Variants in ABCD3 observed in about 807,000 individuals in gnomAD.
ABCD3 encodes ATP binding cassette subfamily D member 3.
Under a neutral mutation model 105.5 loss-of-function variants are expected in ABCD3, and 41 were observed. That is an observed-to-expected ratio of 0.39 (90% CI 0.30 to 0.50). ABCD3 has a LOEUF of 0.50. ABCD3 is among the 20% of genes least tolerant of loss of function. The pLI is 0.84. For synonymous variants in ABCD3, 258 were observed against 269.0 expected (o/e 0.96, Z 0.40); for missense variants, 622 against 806.3 (o/e 0.77, Z 2.77).
chr1:94,506,298 T>C (rs561768472), intron 20 of ABCD3, among the ~76,000 whole-genome samples: 1 of 152,182 alleles, frequency 6.6e-6, no homozygotes, highest in Non-Finnish European at 1.5e-5. Flanking sequence ...TTAAGGTTTG[T>C]GTTTTACTCT....
intron 16 of ABCD3, among the ~76,000 whole-genome samples, chr1:94,496,916 C>T (rs1009308057): frequency 1.3e-4 from 20 of 151,520 alleles, no homozygotes; most frequent in African/African-American, 2.9e-4. Context: ...TACAGGTGCC[C>T]GCCACTGCAT....
intron 1 of ABCD3, among the ~76,000 whole-genome samples, chr1:94,422,987 G>T (rs1659319485): frequency 1.3e-5 from 2 of 152,124 alleles, no homozygotes; most frequent in Admixed American, 1.3e-4. Context: ...CCTCAATCTG[G>T]TCTTACTTTA....
chr1:94,418,048 G>A (rs540447826), upstream of ABCD3, among the ~76,000 whole-genome samples: 1 of 152,184 alleles, frequency 6.6e-6, no homozygotes, highest in African/African-American at 2.4e-5. Flanking sequence ...CGGGAGTGGA[G>A]AGGCAGGGCC....
intron 1 of ABCD3, among the ~76,000 whole-genome samples, chr1:94,450,654 CTGTT>C (rs1557668043): frequency 6.6e-6 from 1 of 152,176 alleles, no homozygotes; most frequent in Non-Finnish European, 1.5e-5. Flanking sequence ...GGGTAAATCT[CTGTT>C]TGGGGCTCTC....
intron 21 of ABCD3, 190 bp from the exon 22 acceptor site, chr1:94,514,956 A>C (rs1325573187): frequency 1.8e-6 from 1 of 553,612 alleles, no homozygotes; most frequent in African/African-American, 1.9e-5. Context: ...GGTAGTTTTT[A>C]TTATGTGGTT....
chr1:94,409,640 T>C, the ABCD3 span, among the ~76,000 whole-genome samples: 1 of 152,212 alleles, frequency 6.6e-6, no homozygotes, highest in Admixed American at 6.5e-5. Flanking sequence ...AAAGACTCCA[T>C]TGGCTTTTCA....
At chr1:94,509,894 G>A (rs1160825859) in intron 21 of ABCD3, among the ~76,000 whole-genome samples, 2 of 151,588 alleles carry the variant, frequency 1.3e-5, no homozygotes, top group Admixed American at 6.6e-5. Flanking sequence ...TTCTTTATTA[G>A]TCTTGCTAGC....
intron 2 of ABCD3, among the ~76,000 whole-genome samples, chr1:94,464,018 CT>C (rs982034479): frequency 6.6e-6 from 1 of 152,150 alleles, no homozygotes; most frequent in South Asian, 2.1e-4. Context: ...AATCACATGG[CT>C]TTTTTTTATT....
intron 10 of ABCD3, among the ~76,000 whole-genome samples, chr1:94,485,748 A>G (rs1211545466): frequency 6.6e-6 from 1 of 152,224 alleles, no homozygotes; most frequent in African/African-American, 2.4e-5. Flanking sequence ...ATTCAACCAC[A>G]CAGATTGAAA....
chr1:94,512,870 G>T (rs973558634), intron 21 of ABCD3, among the ~76,000 whole-genome samples: 6 of 152,000 alleles, frequency 3.9e-5, no homozygotes, highest in Non-Finnish European at 7.4e-5. Flanking sequence ...CATTTTGTAT[G>T]TGTTCTTTGG....
At chr1:94,430,141 A>G (rs1299859045) in intron 1 of ABCD3, among the ~76,000 whole-genome samples, 1 of 152,246 alleles carries the variant, frequency 6.6e-6, no homozygotes, top group East Asian at 1.9e-4. Context: ...TGGGGCCTGC[A>G]GCCCCTTTGT....
At position 94,473,818 on chromosome 1, in the gene ABCD3, A is replaced by G. The variant is rs1648603216; in HGVS notation, c.388A>G (p.Ile130Val). Reference protein sequence around the residue: ...KDFKRYLLNFIAAMPLISLVN... With the variant: ...KDFKRYLLNFVAAMPLISLVN... The stretch of plus-strand genomic sequence containing the variant: ...TTTCAAGAGATACTTACTCAACTTC[A>G]TCGCTGCCATGCCTCTTGTAAGTTT... Residue 130 changes from isoleucine to valine, a missense_variant, in exon 5 of 23, where the codon ATC becomes GTC. By Grantham distance (29) the Ile-to-Val change is conservative (BLOSUM62 3). Around this residue, in one of 4 missense-constraint regions of ABCD3, gnomAD observed 245 missense variants for 356.4 expected, o/e 0.69. Transcript: ENST00000370214. 6.2e-7 allele frequency: 1 copy of G among 1,612,688 alleles called. No homozygotes were observed. The highest frequency in any genetic ancestry group is 8.5e-7 in the Non-Finnish European group (1 of 1,179,238).
Position 94,467,996 on chromosome 1 carries a change from A to G in ABCD3, c.324A>G (p.Thr108=). 6.2e-7 allele frequency: 1 copy of G among 1,612,178 alleles called. No individual in the cohort carries two copies. Among genetic ancestry groups the G allele is most frequent in the South Asian group, 1.1e-5 (1 of 91,034 alleles). ...YCDVWMIQNG[T]LIESGIIGRS... Reference sequence around the variant, plus strand: ...ATGTTTGGATGATTCAAAATGGGACACTAATTGAAAGGTACTTTTTCAATC... The same window carrying G: ...ATGTTTGGATGATTCAAAATGGGACGCTAATTGAAAGGTACTTTTTCAATC... The change falls in exon 4 of 23, where the codon ACA becomes ACG. Residue 108 remains threonine, a synonymous_variant. Coordinates refer to ENST00000370214, the MANE Select transcript of ABCD3 (RefSeq NM_002858.4).
At chr1:94,419,526 C>T (rs1429471094) in intron 1 of ABCD3, among the ~76,000 whole-genome samples, 1 of 152,120 alleles carries the variant, frequency 6.6e-6, no homozygotes, top group Non-Finnish European at 1.5e-5. Flanking sequence ...GGCTACTTCC[C>T]AAGCGTTCTT....
At chr1:94,486,378 CTTTCA>C (rs1177807744) in intron 10 of ABCD3, among the ~76,000 whole-genome samples, 5 of 152,268 alleles carry the variant, frequency 3.3e-5, no homozygotes, top group Non-Finnish European at 7.4e-5. Flanking sequence ...TAGTTATGCT[CTTTCA>C]TTAGAATGTA....
At chr1:94,405,741 T>C in the ABCD3 span, among the ~76,000 whole-genome samples, 2 of 152,316 alleles carry the variant, frequency 1.3e-5, no homozygotes, top group African/African-American at 4.8e-5. Flanking sequence ...TTTTTGTAAA[T>C]TGTCTGTTCT....
intron 1 of ABCD3, among the ~76,000 whole-genome samples, chr1:94,421,889 C>T (rs1485335969): frequency 6.6e-6 from 1 of 152,128 alleles, no homozygotes; most frequent in Non-Finnish European, 1.5e-5. Flanking sequence ...AATCCATCTT[C>T]CACTGCCACC....
At chr1:94,389,963 T>C in the ABCD3 span, among the ~76,000 whole-genome samples, 1 of 152,220 alleles carries the variant, frequency 6.6e-6, no homozygotes, top group Non-Finnish European at 1.5e-5. Context: ...GACTATATTG[T>C]GACAGAGAGC....
chr1:94,468,948 C>T (rs1648306593), intron 4 of ABCD3, among the ~76,000 whole-genome samples: 1 of 152,166 alleles, frequency 6.6e-6, no homozygotes, highest in Non-Finnish European at 1.5e-5. Flanking sequence ...TGTAGGCCCT[C>T]ACATTCCACC....
Sources: gnomAD v4.1 joint callset for allele counts (sites outside exome capture counted in the v4.1 genomes callset) on GRCh38, gnomAD v4.1.1 for gene constraint, gnomAD v4.1.1 regional missense constraint, MANE v1.5 for transcripts, NCBI Gene and HGNC (gene_info 2026-07-23, HGNC 2026-07-21) for gene names.